HDHD5: variants seen among roughly 807,000 people sequenced by gnomAD.
HDHD5 encodes haloacid dehalogenase like hydrolase domain containing 5.
In HDHD5, 34 loss-of-function variants were observed where a neutral mutation model predicts 35.5. The observed-to-expected ratio is 0.96, with a 90% CI of 0.73 to 1.28. HDHD5 has a LOEUF of 1.28. HDHD5 is among the 50% of genes most tolerant of loss of function. HDHD5 has a pLI of 0.00. For missense variants in HDHD5, 589 were observed against 560.2 expected (o/e 1.05, Z -0.52); for synonymous variants, 248 against 240.6 (o/e 1.03, Z -0.29).
At chr22:17,161,159 T>C (rs1186386378), upstream of HDHD5, among the ~76,000 whole-genome samples, 1 of 149,092 alleles carries the variant, frequency 6.7e-6, no homozygotes, top group Non-Finnish European at 1.5e-5. Context: ...GGCAGGAGAA[T>C]CGCTTGAACC....
chr22:17,140,169 G>A (rs572676476), intron 6 of HDHD5, among the ~76,000 whole-genome samples: 30 of 152,190 alleles, frequency 2.0e-4, no homozygotes, highest in Admixed American at 3.3e-4. Context: ...GAGCACTGTC[G>A]ACTGGGGGTC....
intron 1 of HDHD5, among the ~76,000 whole-genome samples, chr22:17,157,035 G>T (rs1410104307): frequency 6.7e-6 from 1 of 150,316 alleles, no homozygotes; most frequent in African/African-American, 2.5e-5. Flanking sequence ...CCGAGATGGC[G>T]CCACTGCACT....
chr22:17,141,651 G>A (rs2123851651), intron 5 of HDHD5: 1 of 1,018,648 alleles, frequency 9.8e-7, no homozygotes, highest in East Asian at 1.1e-4. Context: ...CAGGGGGTGT[G>A]GAGTGATAGA....
chr22:17,147,540 C>T (rs2061677834), intron 3 of HDHD5, among the ~76,000 whole-genome samples: 2 of 141,534 alleles, frequency 1.4e-5, no homozygotes, highest in Non-Finnish European at 3.0e-5. Flanking sequence ...ACCTGTGGCA[C>T]ACTCCTGTGA....
chr22:17,160,835 T>G (rs960104941), upstream of HDHD5, among the ~76,000 whole-genome samples: 1 of 152,032 alleles, frequency 6.6e-6, no homozygotes, highest in Admixed American at 6.6e-5. Flanking sequence ...GGGACATAGC[T>G]CTCTAGGATT....
chr22:17,155,048 G>A lies in HDHD5; in HGVS notation c.126+4078C>T, dbSNP rs533282805. Among the ~76,000 whole-genome samples, 35 of 152,260 alleles carry A rather than the reference G, an allele frequency of 2.3e-4. No homozygotes were observed. In the South Asian group the frequency reaches 7.3e-3, roughly 32 times the overall value. Reference sequence around the variant, plus strand: ...AAGGAGGAGGGAGATAAGCAAAGCAGGTGTTGAAAAATGTTAATCATTGCT... The same window carrying A: ...AAGGAGGAGGGAGATAAGCAAAGCAAGTGTTGAAAAATGTTAATCATTGCT... On this transcript the variant is annotated intron_variant, in intron 1 of 7. Coordinates refer to ENST00000336737, the MANE Select transcript of HDHD5 (RefSeq NM_033070.3).
At position 17,143,270 on chromosome 22, in the gene HDHD5, G is replaced by C. The variant is rs1230902780; in HGVS notation, c.538-139C>G. The C allele has an allele frequency of 7.2e-6, 6 of 835,696 alleles. No homozygotes were observed. In the Admixed American group the frequency reaches 1.8e-4, roughly 25 times the overall value. 51.8% of individuals were successfully genotyped at this position (835,696 alleles called of 1,614,324 possible). On this transcript the variant is annotated intron_variant, in intron 4 of 7. Transcript: ENST00000336737. The stretch of plus-strand genomic sequence containing the variant: ...ACACCCGTGGTCAAGCCCAAGCCAA[G>C]GGAAAGCTGGAGAGGACTGAGAAAG...
chr22:17,153,101 G>C (rs1000301687), intron 1 of HDHD5, among the ~76,000 whole-genome samples: 1 of 152,186 alleles, frequency 6.6e-6, no homozygotes, highest in African/African-American at 2.4e-5. Flanking sequence ...GGCTTCACAG[G>C]CTTATGCTGT....
At chr22:17,145,559 T>C (rs114934662) in intron 3 of HDHD5, among the ~76,000 whole-genome samples, 2,219 of 152,170 alleles carry the variant, frequency 0.015, 51 homozygotes, top group African/African-American at 0.05. Flanking sequence ...CAGCTAGGCA[T>C]GGTGGTGCAC....
chr22:17,144,935 G>A (rs555709557), intron 4 of HDHD5, 89 bp downstream of exon 4: 2 of 1,476,224 alleles, frequency 1.4e-6, no homozygotes, highest in East Asian at 4.8e-5. Flanking sequence ...CAGCTCTGCA[G>A]GAGGGCTTGC....
intron 1 of HDHD5, among the ~76,000 whole-genome samples, chr22:17,154,465 G>A (rs2061762289): frequency 6.6e-6 from 1 of 151,054 alleles, no homozygotes; most frequent in Non-Finnish European, 1.5e-5. Flanking sequence ...GGCAACAAGA[G>A]GGAAACTCCA....
intron 3 of HDHD5, among the ~76,000 whole-genome samples, chr22:17,146,349 G>A (rs1283956822): frequency 2.7e-5 from 4 of 148,454 alleles, no homozygotes; most frequent in African/African-American, 7.5e-5. Flanking sequence ...CATCGCACAC[G>A]CTCCACACCT....
At chr22:17,157,846 G>A (rs1055231658) in intron 1 of HDHD5, among the ~76,000 whole-genome samples, 2 of 152,130 alleles carry the variant, frequency 1.3e-5, no homozygotes, top group African/African-American at 4.8e-5. Flanking sequence ...TCCAGATTCT[G>A]CCACTTACCA....
chr22:17,138,767 G>A (rs1464112676), intron 6 of HDHD5, 29 bp from the exon 7 acceptor site: 5 of 1,613,160 alleles, frequency 3.1e-6, no homozygotes, highest in South Asian at 1.1e-5. Context: ...CAGCAGTTCA[G>A]TCTTCCTGAT....
intron 1 of HDHD5, 181 bp downstream of exon 1, chr22:17,158,945 A>G: frequency 2.1e-6 from 1 of 475,558 alleles, no homozygotes; most frequent in Non-Finnish European, 3.2e-6. Context: ...CCAGCGAGTC[A>G]GAGGAAGGCA....
chr22:17,159,267 C>T lies in HDHD5; in HGVS notation c.-16G>A. ...ACGCAGCCATCCGGCCGTCGCCGTG[C>T]GCACGTGCACGGCGTGCGGCCCCCC... On this transcript the variant is annotated 5_prime_UTR_variant, in exon 1 of 8. Coordinates refer to ENST00000336737, the MANE Select transcript of HDHD5 (RefSeq NM_033070.3). 1.6e-6 allele frequency: 2 copies of T among 1,236,928 alleles called. No individual in the cohort carries two copies. Among genetic ancestry groups the T allele is most frequent in the East Asian group, 4.5e-5 (1 of 22,028 alleles). The allele number at this position is 1,236,928 out of a possible 1,614,324, so 76.6% of individuals were successfully genotyped here.
chr22:17,154,624 T>A (rs1568950046), intron 1 of HDHD5, among the ~76,000 whole-genome samples: 2 of 151,124 alleles, frequency 1.3e-5, no homozygotes. Context: ...TTCTTTTTTT[T>A]TTTTTTTTGG....
At chr22:17,147,583 ACGCCC>A in intron 3 of HDHD5, among the ~76,000 whole-genome samples, 1 of 140,200 alleles carries the variant, frequency 7.1e-6, no homozygotes, top group African/African-American at 2.7e-5. Context: ...GCCATCGCAC[ACGCCC>A]CACACCTGTG....
upstream of HDHD5, among the ~76,000 whole-genome samples, chr22:17,163,957 T>A (rs1307284154): frequency 1.3e-5 from 2 of 152,128 alleles, no homozygotes; most frequent in African/African-American, 4.8e-5. Context: ...CCAGGCACGG[T>A]GGCCTGTAAT....
Sources: gnomAD v4.1 joint callset for allele counts (sites outside exome capture counted in the v4.1 genomes callset) on GRCh38, gnomAD v4.1.1 for gene constraint, MANE v1.5 for transcripts, NCBI Gene and HGNC (gene_info 2026-07-23, HGNC 2026-07-21) for gene names.